Variants in PLXNA4 observed in about 807,000 individuals in gnomAD.
PLXNA4 encodes the protein plexin A4.
Under a neutral mutation model 191.8 loss-of-function variants are expected in PLXNA4, and 44 were observed. The observed-to-expected ratio is 0.23, with a 90% CI of 0.18 to 0.29. The LOEUF is 0.29. Ranked by LOEUF, PLXNA4 falls within the 10% of genes least tolerant of loss-of-function variation. The pLI, the probability that PLXNA4 is intolerant of heterozygous loss-of-function variation, is 1.00. For synonymous variants in PLXNA4, 1,082 were observed against 1,009.5 expected (o/e 1.07, Z -1.36); for missense variants, 1,800 against 2,488.8 (o/e 0.72, Z 5.89).
At chr7:132,287,897 G>T (rs1800743756) in intron 4 of PLXNA4, among the ~76,000 whole-genome samples, 1 of 152,204 alleles carries the variant, frequency 6.6e-6, no homozygotes, top group African/African-American at 2.4e-5. Flanking sequence ...TGGGGCCGAG[G>T]CTGGTTCTGA....
At chr7:132,158,076 G>A (rs1371150055) in intron 25 of PLXNA4, among the ~76,000 whole-genome samples, 1 of 152,212 alleles carries the variant, frequency 6.6e-6, no homozygotes, top group African/African-American at 2.4e-5. Flanking sequence ...CTCCACAGTG[G>A]AGGGAGACAC....
intron 3 of PLXNA4, among the ~76,000 whole-genome samples, chr7:132,344,852 C>A (rs1357738725): frequency 6.6e-6 from 1 of 152,134 alleles, no homozygotes; most frequent in Admixed American, 6.5e-5. Flanking sequence ...TTGCAGGCAT[C>A]CTGTGTCTAA....
chr7:132,165,762 G>A (rs1796104185), intron 22 of PLXNA4, among the ~76,000 whole-genome samples: 1 of 151,880 alleles, frequency 6.6e-6, no homozygotes. Context: ...AATTTGGCAG[G>A]GAATAGGAAT....
chr7:132,563,433 C>T (rs1433771720), intron 1 of PLXNA4, among the ~76,000 whole-genome samples: 1 of 82,848 alleles, frequency 1.2e-5, no homozygotes, highest in Non-Finnish European at 2.2e-5. Context: ...CTTCTCCTTC[C>T]TCCTCCTCTT....
At position 132,196,982 on chromosome 7, in the gene PLXNA4, A is replaced by G. The variant is rs913569481; in HGVS notation, c.2738+1503T>C. ...AAGTATTTATTAACTGTAATAGGGT[A>G]TAACCATACTCCCAGTTTATCATTC... On this transcript the variant is annotated intron_variant, in intron 13 of 31. Transcript: ENST00000321063. Among the ~76,000 whole-genome samples the G allele has an allele frequency of 8.1e-4, 124 of 152,220 alleles. 1 individual carries two copies. Among genetic ancestry groups the G allele is most frequent in the Non-Finnish European group, 1.0e-3 (70 of 68,026 alleles).
chr7:132,638,197 A>T (rs1803646988), intron 2 of PLXNA4, among the ~76,000 whole-genome samples: 1 of 152,158 alleles, frequency 6.6e-6, no homozygotes, highest in African/African-American at 2.4e-5. Flanking sequence ...GTTTCCCCAT[A>T]TCTGTCCCTC....
At chr7:132,259,482 G>GAAAAAAAC (rs1414792493) in intron 4 of PLXNA4, among the ~76,000 whole-genome samples, 1 of 111,364 alleles carries the variant, frequency 9.0e-6, no homozygotes, top group Admixed American at 1.0e-4. Flanking sequence ...AAGAAAAAAG[G>GAAAAAAAC]AAAAAAGAAA....
intron 2 of PLXNA4, among the ~76,000 whole-genome samples, chr7:132,614,592 G>A (rs1803115279): frequency 6.6e-6 from 1 of 152,264 alleles, no homozygotes; most frequent in African/African-American, 2.4e-5. Flanking sequence ...CCCACAGGGA[G>A]GGTGCCCAGG....
At chr7:132,343,088 A>G (rs1803102552) in intron 3 of PLXNA4, among the ~76,000 whole-genome samples, 1 of 152,072 alleles carries the variant, frequency 6.6e-6, no homozygotes, top group Admixed American at 6.6e-5. Flanking sequence ...AGTACTGAAG[A>G]TCAATTCAAC....
chr7:132,303,706 C>A (rs1230596843), intron 3 of PLXNA4, among the ~76,000 whole-genome samples: 5 of 152,180 alleles, frequency 3.3e-5, no homozygotes. Flanking sequence ...CGACACATCC[C>A]ACACCCACCA....
intron 4 of PLXNA4, among the ~76,000 whole-genome samples, chr7:132,252,795 A>G (rs1799301062): frequency 6.6e-6 from 1 of 152,230 alleles, no homozygotes; most frequent in Non-Finnish European, 1.5e-5. Context: ...CTTTGTATGT[A>G]GTAATGTCTG....
At chr7:132,413,020 G>GT (rs1403827181) in intron 3 of PLXNA4, among the ~76,000 whole-genome samples, 1 of 90,276 alleles carries the variant, frequency 1.1e-5, no homozygotes, top group African/African-American at 3.2e-4. Flanking sequence ...CTTGATAGAT[G>GT]GGGGGTGGAG....
chr7:132,463,770 G>T (rs911448094), intron 3 of PLXNA4, among the ~76,000 whole-genome samples: 4 of 152,190 alleles, frequency 2.6e-5, no homozygotes, highest in Non-Finnish European at 4.4e-5. Context: ...CTTTCACAAA[G>T]ATGCTGCAAG....
At chr7:132,354,440 A>T (rs1287448926) in intron 3 of PLXNA4, among the ~76,000 whole-genome samples, 1 of 152,182 alleles carries the variant, frequency 6.6e-6, no homozygotes, top group Non-Finnish European at 1.5e-5. Context: ...CCCATCAGGG[A>T]ATAGACTATT....
At chr7:132,349,259 A>G (rs1433610018) in intron 3 of PLXNA4, among the ~76,000 whole-genome samples, 1 of 152,150 alleles carries the variant, frequency 6.6e-6, no homozygotes, top group Non-Finnish European at 1.5e-5. Context: ...CGTGCTATGT[A>G]TAGAAGCCAC....
chr7:132,464,152 C>A (rs1796613451), intron 3 of PLXNA4, among the ~76,000 whole-genome samples: 1 of 152,182 alleles, frequency 6.6e-6, no homozygotes. Context: ...ATAAAAATAG[C>A]AATACACGTG....
intron 3 of PLXNA4, among the ~76,000 whole-genome samples, chr7:132,432,678 G>T (rs1280634191): frequency 1.3e-5 from 2 of 152,154 alleles, no homozygotes; most frequent in East Asian, 3.9e-4. Context: ...CATCTCTTAA[G>T]AAAACAGTAT....
intron 4 of PLXNA4, among the ~76,000 whole-genome samples, chr7:132,263,828 A>G (rs890812949): frequency 1.3e-5 from 2 of 152,204 alleles, no homozygotes; most frequent in East Asian, 1.9e-4. Flanking sequence ...GGTAGGTTCA[A>G]TGAGAGATTG....
At chr7:132,329,301 G>T (rs1441566188) in intron 3 of PLXNA4, among the ~76,000 whole-genome samples, 1 of 152,142 alleles carries the variant, frequency 6.6e-6, no homozygotes, top group African/African-American at 2.4e-5. Context: ...CTGTTCTGGG[G>T]TCTCCCCATC....
Sources: gnomAD v4.1 joint callset for allele counts (sites outside exome capture counted in the v4.1 genomes callset) on GRCh38, gnomAD v4.1.1 for gene constraint, MANE v1.5 for transcripts, NCBI Gene and HGNC (gene_info 2026-07-23, HGNC 2026-07-21) for gene names.